KLHL32: variants seen among roughly 807,000 people sequenced by gnomAD.
KLHL32 encodes the protein kelch like family member 32, also known as kelch-like protein 32.
A neutral mutation model predicts 64.8 loss-of-function variants in KLHL32; 35 were observed. That is an observed-to-expected ratio of 0.54 (90% CI 0.41 to 0.72). The LOEUF (loss-of-function observed/expected upper bound fraction) is 0.72, where lower values mean the gene tolerates loss of function less well. Among genes scored for constraint, KLHL32 ranks in the 30% least tolerant of loss-of-function variants. The probability of loss-of-function intolerance (pLI) is 0.00; values close to 1 mark genes in which losing one functional copy is unlikely to be tolerated. For synonymous variants in KLHL32, 259 were observed against 281.0 expected, an observed-to-expected ratio of 0.92 and a Z score of 0.78; for missense variants, 589 against 768.5, an observed-to-expected ratio of 0.77 and a Z score of 2.76.
rs563932152 is a variant in KLHL32 at position 97,082,505 on chromosome 6, C to T, written c.412-2621C>T. Among the ~76,000 whole-genome samples the T allele has an allele frequency of 9.2e-5, 14 of 151,702 alleles. No homozygotes were observed. The South Asian group carries it at 2.3e-3, about 25-fold the overall frequency. On this transcript the variant is annotated intron_variant, in intron 5 of 10. Transcript: ENST00000369261. ...GCGGGCGCCTGTAGTCCCAGCTACT[C>T]GGGAGGCTGAAGCAGGAGAATGGCA...
chr6:97,008,987 A>G (rs923888531), intron 3 of KLHL32, among the ~76,000 whole-genome samples: 33 of 152,122 alleles, frequency 2.2e-4, no homozygotes, highest in African/African-American at 7.7e-4. Flanking sequence ...AGTCTAATTT[A>G]TAACATCTCT....
At chr6:96,906,272 A>C in the KLHL32 span, among the ~76,000 whole-genome samples, 1 of 152,182 alleles carries the variant, frequency 6.6e-6, no homozygotes, top group African/African-American at 2.4e-5. Context: ...TTAAGCCTCT[A>C]AGTTTGTAGT....
intron 1 of KLHL32, among the ~76,000 whole-genome samples, chr6:96,958,868 G>A (rs538786033): frequency 6.6e-6 from 1 of 152,264 alleles, no homozygotes; most frequent in African/African-American, 2.4e-5. Flanking sequence ...AGGCATGCAG[G>A]TGCACACACA....
At chr6:97,118,513 G>A (rs1302963301) in intron 7 of KLHL32, among the ~76,000 whole-genome samples, 1 of 151,446 alleles carries the variant, frequency 6.6e-6, no homozygotes, top group Non-Finnish European at 1.5e-5. Flanking sequence ...CAGCTACTTG[G>A]GAGGCTGAGA....
chr6:97,114,664 T>G, intron 7 of KLHL32, 155 bp downstream of exon 7: 1 of 790,108 alleles, frequency 1.3e-6, no homozygotes, highest in Non-Finnish European at 2.0e-6. Flanking sequence ...GCACCTACTC[T>G]AGAGAGCAAT....
intron 1 of KLHL32, among the ~76,000 whole-genome samples, chr6:96,942,654 GGT>G (rs373680196): frequency 0.18 from 25,396 of 144,134 alleles, 2,379 homozygotes; most frequent in Non-Finnish European, 0.22. Context: ...ACAGCTGTGG[GGT>G]GTGTGTGTGT....
intron 7 of KLHL32, among the ~76,000 whole-genome samples, chr6:97,119,825 TATAAATTA>T (rs1582222085): frequency 6.6e-6 from 1 of 152,202 alleles, no homozygotes; most frequent in African/African-American, 2.4e-5. Context: ...ATTTTTTCAT[TATAAATTA>T]ATAAATAGCA....
chr6:97,102,750 G>A (rs1391468842), intron 6 of KLHL32, among the ~76,000 whole-genome samples: 1 of 152,028 alleles, frequency 6.6e-6, no homozygotes, highest in Non-Finnish European at 1.5e-5. Flanking sequence ...CATTGGCAAG[G>A]GTGGTGCTGT....
the KLHL32 span, among the ~76,000 whole-genome samples, chr6:96,911,139 T>C: frequency 6.6e-6 from 1 of 152,328 alleles, no homozygotes; most frequent in East Asian, 1.9e-4. Context: ...CTTTATTCTC[T>C]CATAGTTCTG....
rs752536009 is a variant in KLHL32, at chr6:97,132,734, T to C, written c.1688T>C (p.Leu563Pro). ...GGYSIWTNEP[L>P]ACIQVLDVSR... Reference sequence around the variant, plus strand: ...TATTCAATTTGGACAAATGAGCCTCTGGCTTGTATCCAGGTGAGTGGTAGA... The same window carrying C: ...TATTCAATTTGGACAAATGAGCCTCCGGCTTGTATCCAGGTGAGTGGTAGA... The change falls in exon 10 of 11, where the codon CTG becomes CCG. Residue 563 changes from leucine to proline, a missense_variant. This residue lies in a region of KLHL32 where 172 missense variants were observed against 192.0 expected (regional missense o/e 0.90). Transcript: ENST00000369261. 6.2e-7 allele frequency: 1 copy of C among 1,611,520 alleles called. No homozygotes were observed. Among genetic ancestry groups the C allele is most frequent in the Non-Finnish European group, 8.5e-7 (1 of 1,178,386 alleles).
chr6:97,125,827 G>C (rs191086059), intron 7 of KLHL32, among the ~76,000 whole-genome samples: 1 of 152,316 alleles, frequency 6.6e-6, no homozygotes, highest in African/African-American at 2.4e-5. Flanking sequence ...GGGATATAGA[G>C]CACTATCTTC....
the KLHL32 span, among the ~76,000 whole-genome samples, chr6:96,916,121 A>T: frequency 1.3e-5 from 2 of 151,844 alleles, no homozygotes; most frequent in Middle Eastern, 6.8e-3. Flanking sequence ...ATAGACAAAA[A>T]AGTAGAGAGA....
intron 1 of KLHL32, among the ~76,000 whole-genome samples, chr6:96,934,219 G>A (rs773551966): frequency 6.6e-6 from 1 of 152,130 alleles, no homozygotes; most frequent in Non-Finnish European, 1.5e-5. Context: ...AGGTTGTTTC[G>A]AAAATATAGA....
At chr6:97,085,521 C>A (rs1333193462) in intron 6 of KLHL32, among the ~76,000 whole-genome samples, 180 bp downstream of exon 6, 1 of 152,200 alleles carries the variant, frequency 6.6e-6, no homozygotes, top group Non-Finnish European at 1.5e-5. Context: ...GGCTCAGAGC[C>A]CTCAGCGGAC....
At chr6:96,983,074 G>C (rs1304832238) in intron 3 of KLHL32, among the ~76,000 whole-genome samples, 7 of 152,368 alleles carry the variant, frequency 4.6e-5, no homozygotes, top group African/African-American at 9.6e-5. Flanking sequence ...AATTTGTTGA[G>C]AGTTTTTAGC....
At chr6:97,085,002 T>TAGCC in intron 5 of KLHL32, 124 bp from the exon 6 acceptor site, 1 of 688,486 alleles carries the variant, frequency 1.5e-6, no homozygotes. Flanking sequence ...TTTTTTATAC[T>TAGCC]AGCCCTCCCA....
intron 5 of KLHL32, among the ~76,000 whole-genome samples, chr6:97,079,414 C>T (rs1022603491): frequency 1.3e-5 from 2 of 152,018 alleles, no homozygotes; most frequent in African/African-American, 4.8e-5. Context: ...CCTAACTGCT[C>T]GATAATTGCC....
intron 3 of KLHL32, among the ~76,000 whole-genome samples, chr6:97,013,298 A>G (rs760614847): frequency 2.6e-5 from 4 of 152,172 alleles, no homozygotes; most frequent in Non-Finnish European, 4.4e-5. Flanking sequence ...TTTTTATTAG[A>G]ATGTCCTCTC....
At chr6:96,986,343 T>A (rs1426615221) in intron 3 of KLHL32, among the ~76,000 whole-genome samples, 1 of 152,198 alleles carries the variant, frequency 6.6e-6, no homozygotes, top group Non-Finnish European at 1.5e-5. Flanking sequence ...GGAGGCAGTC[T>A]GTCCGTTCTT....
Sources: allele counts gnomAD v4.1 joint callset (sites outside exome capture counted in the v4.1 genomes callset), GRCh38; gene constraint gnomAD v4.1.1; regional missense constraint gnomAD v4.1.1; transcripts MANE v1.5; gene names NCBI Gene and HGNC (gene_info 2026-07-23, HGNC 2026-07-21).